FREM2: variants seen among roughly 807,000 people sequenced by gnomAD.
FREM2 encodes the protein FRAS1 related extracellular matrix 2.
Under a neutral mutation model 219.9 loss-of-function variants are expected in FREM2, and 119 were observed. The observed-to-expected ratio is 0.54, with a 90% CI of 0.47 to 0.63. The LOEUF (loss-of-function observed/expected upper bound fraction) is 0.63. Ranked by LOEUF, FREM2 falls within the 30% of genes least tolerant of loss-of-function variation. The pLI, the probability that FREM2 is intolerant of heterozygous loss-of-function variation, is 0.00. For synonymous variants in FREM2, 1,562 were observed against 1,522.8 expected (o/e 1.03, Z -0.60); for missense variants, 4,030 against 3,993.6 (o/e 1.01, Z -0.25).
intron 3 of FREM2, among the ~76,000 whole-genome samples, chr13:38,766,862 CCT>C (rs1873456266): frequency 6.6e-6 from 1 of 152,042 alleles, no homozygotes; most frequent in African/African-American, 2.4e-5. Context: ...TCCTTTATTC[CCT>C]GACTCAACAA....
intron 14 of FREM2, among the ~76,000 whole-genome samples, chr13:38,860,375 T>A (rs1186168847): frequency 6.6e-6 from 1 of 152,156 alleles, no homozygotes; most frequent in Non-Finnish European, 1.5e-5. Context: ...TATAAATAAA[T>A]CCTTCACTCT....
chr13:38,848,703 A>G, intron 8 of FREM2, 33 bp downstream of exon 8: 1 of 1,514,894 alleles, frequency 6.6e-7, no homozygotes, highest in Non-Finnish European at 9.1e-7. Flanking sequence ...ATTTACAATG[A>G]TAATTGAAAT....
intron 6 of FREM2, among the ~76,000 whole-genome samples, chr13:38,794,436 A>G (rs1286036437): frequency 2.0e-5 from 3 of 152,188 alleles, no homozygotes; most frequent in Admixed American, 2.0e-4. Flanking sequence ...AAAGATTTTA[A>G]CCAGCTTATT....
At chr13:38,844,605 T>G (rs1438685024) in intron 6 of FREM2, among the ~76,000 whole-genome samples, 1 of 152,198 alleles carries the variant, frequency 6.6e-6, no homozygotes, top group Non-Finnish European at 1.5e-5. Flanking sequence ...ATGTTCCTTT[T>G]TTGTTATGTG....
chr13:38,707,996 C>T (rs990411573), intron 2 of FREM2, among the ~76,000 whole-genome samples: 6 of 152,210 alleles, frequency 3.9e-5, no homozygotes, highest in Admixed American at 6.5e-5. Flanking sequence ...TCCTGAATTT[C>T]TGTTGAGTAG....
intron 2 of FREM2, among the ~76,000 whole-genome samples, chr13:38,704,868 T>G (rs1644672422): frequency 6.6e-6 from 1 of 151,336 alleles, no homozygotes; most frequent in African/African-American, 2.4e-5. Context: ...AGAGAGTGAG[T>G]GAAGGGAAGT....
At position 38,849,838 on chromosome 13, in the gene FREM2, G is replaced by C. The variant is rs529176092; in HGVS notation, c.6380-200G>C. Among the ~76,000 whole-genome samples the C allele has an allele frequency of 7.9e-5, 12 of 152,218 alleles. No individual in the cohort carries two copies. In the South Asian group the frequency reaches 2.5e-3, roughly 32 times the overall value. On this transcript the variant is annotated intron_variant, in intron 8 of 23. Coordinates refer to ENST00000280481, the MANE Select transcript of FREM2 (RefSeq NM_207361.6). ...TGCATACCCTTACTTTACCAAACAG[G>C]CAGAGCAAAATGTCAAAGGTAAGGA...
chr13:38,783,426 G>T (rs1029337401), intron 5 of FREM2, among the ~76,000 whole-genome samples: 4 of 144,674 alleles, frequency 2.8e-5, no homozygotes, highest in Non-Finnish European at 4.5e-5. Flanking sequence ...GGATTGTAAG[G>T]AACTAAAGCC....
Position 38,687,785 on chromosome 13 carries a change from T to G in FREM2, c.441T>G (p.Ser147=). 3.2e-6 allele frequency: 5 copies of G among 1,538,662 alleles called. No individual in the cohort carries two copies. The highest frequency in any genetic ancestry group is 4.4e-6 in the Non-Finnish European group (5 of 1,138,660). Residue 147 remains serine, a synonymous_variant, in exon 1 of 24, where the codon TCT becomes TCG. Transcript: ENST00000280481. ...RYSHLGARSP[S]RDRVRLQLRY... is the part of the protein sequence containing the mutation. ...CTCACCTGGGCGCGCGCAGCCCGTC[T>G]CGGGACCGCGTCCGGCTGCAGCTGC...
chr13:38,771,144 T>A (rs1873646559), intron 4 of FREM2, among the ~76,000 whole-genome samples: 1 of 152,242 alleles, frequency 6.6e-6, no homozygotes, highest in African/African-American at 2.4e-5. Context: ...TCTGACATCA[T>A]TTGTTTAACT....
chr13:38,880,288 C>T lies in FREM2; in HGVS notation c.9011C>T (p.Ala3004Val). The change falls in exon 24 of 24, where the codon GCT becomes GTT. Residue 3004 changes from alanine to valine, a missense_variant. Transcript: ENST00000280481. ...AAATAGAGTTGTGCTTTCTAGGTCGCTCTAGGCCGAGAATGGTATATACAT... is the reference window on the plus strand; with the variant it reads ...AAATAGAGTTGTGCTTTCTAGGTCGTTCTAGGCCGAGAATGGTATATACAT... ...KVDSTPLFQVALGREWYIHTI... is the reference protein window; with the variant it reads ...KVDSTPLFQVVLGREWYIHTI... 2 of 1,613,656 alleles carry T rather than the reference C, an allele frequency of 1.2e-6. No individual in the cohort carries two copies. The highest frequency in any genetic ancestry group is 4.5e-5 in the East Asian group (2 of 44,878).
At chr13:38,771,189 T>C (rs1486420958) in intron 4 of FREM2, among the ~76,000 whole-genome samples, 1 of 152,244 alleles carries the variant, frequency 6.6e-6, no homozygotes, top group African/African-American at 2.4e-5. Flanking sequence ...TGAAGTTCAA[T>C]TATGTTTGTA....
intron 14 of FREM2, among the ~76,000 whole-genome samples, 169 bp from the exon 15 acceptor site, chr13:38,861,262 C>A: frequency 6.6e-6 from 1 of 152,228 alleles, no homozygotes; most frequent in East Asian, 1.9e-4. Flanking sequence ...TACTTCTCAC[C>A]CTGTGGACTT....
intron 6 of FREM2, among the ~76,000 whole-genome samples, chr13:38,838,634 T>C (rs1876816721): frequency 2.0e-5 from 3 of 152,250 alleles, no homozygotes; most frequent in South Asian, 2.1e-4. Flanking sequence ...CATAGACCCA[T>C]ATTTCTTGGA....
At chr13:38,769,873 G>C in intron 4 of FREM2, 65 bp downstream of exon 4, 1 of 1,142,060 alleles carries the variant, frequency 8.8e-7, no homozygotes. Context: ...ATACCTTGTA[G>C]GGGTATAGCT....
intron 6 of FREM2, among the ~76,000 whole-genome samples, chr13:38,788,232 G>C (rs1280370762): frequency 6.6e-6 from 1 of 152,134 alleles, no homozygotes; most frequent in African/African-American, 2.4e-5. Context: ...TGACCTACCA[G>C]AAGGAATTAT....
intron 4 of FREM2, among the ~76,000 whole-genome samples, chr13:38,773,681 C>G (rs1873761515): frequency 6.6e-6 from 1 of 152,036 alleles, no homozygotes; most frequent in South Asian, 2.1e-4. Context: ...TCCTCCTTGG[C>G]CTCCCAAAAT....
At chr13:38,760,899 G>C (rs1489879776) in intron 2 of FREM2, among the ~76,000 whole-genome samples, 1 of 152,014 alleles carries the variant, frequency 6.6e-6, no homozygotes, top group African/African-American at 2.4e-5. Flanking sequence ...AAACTAACCA[G>C]AATAAAGGGG....
At chr13:38,743,571 G>A (rs1250751463) in intron 2 of FREM2, among the ~76,000 whole-genome samples, 1 of 152,142 alleles carries the variant, frequency 6.6e-6, no homozygotes, top group South Asian at 2.1e-4. Flanking sequence ...AATGGTATGA[G>A]GGAGGCTATT....
Sources: allele counts gnomAD v4.1 joint callset (sites outside exome capture counted in the v4.1 genomes callset), GRCh38; gene constraint gnomAD v4.1.1; transcripts MANE v1.5; gene names NCBI Gene and HGNC (gene_info 2026-07-23, HGNC 2026-07-21).